The following RIT2 variants were observed in gnomAD, a reference collection of about 807,000 sequenced individuals.
RIT2 encodes the protein Ras like without CAAX 2, also known as GTP-binding protein Rit2.
A neutral mutation model predicts 23.7 loss-of-function variants in RIT2; 24 were observed. The ratio of observed to expected loss-of-function variants is 1.01; its 90% confidence interval spans 0.73 to 1.43. The LOEUF is 1.43. RIT2 is among the 40% of genes most tolerant of loss of function. The pLI, the probability that RIT2 is intolerant of heterozygous loss-of-function variation, is 0.00. For missense variants in RIT2, 236 were observed against 266.9 expected (o/e 0.88, Z 0.81); for synonymous variants, 107 against 91.1 (o/e 1.17, Z -0.99).
At chr18:43,102,622 A>G (rs1454932815) in intron 1 of RIT2, among the ~76,000 whole-genome samples, 1 of 151,134 alleles carries the variant, frequency 6.6e-6, no homozygotes, top group Non-Finnish European at 1.5e-5. Flanking sequence ...GTGCATGCTC[A>G]GTTTTTTTTA....
intron 2 of RIT2, among the ~76,000 whole-genome samples, chr18:42,994,017 T>C (rs1910917492): frequency 6.6e-6 from 1 of 152,188 alleles, no homozygotes; most frequent in Non-Finnish European, 1.5e-5. Flanking sequence ...GTTCAGGATC[T>C]ACACCTTATC....
chr18:42,852,385 A>C (rs1247640690), intron 4 of RIT2, among the ~76,000 whole-genome samples: 1 of 152,180 alleles, frequency 6.6e-6, no homozygotes, highest in Non-Finnish European at 1.5e-5. Flanking sequence ...TAAATGTCCT[A>C]TTGACTTAGG....
At chr18:42,963,860 C>T (rs1007920175) in intron 3 of RIT2, among the ~76,000 whole-genome samples, 1 of 152,166 alleles carries the variant, frequency 6.6e-6, no homozygotes, top group African/African-American at 2.4e-5. Context: ...TGCACCACTG[C>T]ACTCCAGCCT....
intron 4 of RIT2, among the ~76,000 whole-genome samples, chr18:42,768,843 A>C (rs925538981): frequency 6.6e-6 from 1 of 152,228 alleles, no homozygotes; most frequent in Non-Finnish European, 1.5e-5. Context: ...CTTGCCCTGA[A>C]GGCCTTCTCC....
intron 1 of RIT2, among the ~76,000 whole-genome samples, chr18:43,062,047 C>G (rs982193233): frequency 2.6e-5 from 4 of 152,028 alleles, no homozygotes; most frequent in Non-Finnish European, 4.4e-5. Flanking sequence ...CCATGGGATG[C>G]CACTCCCTCC....
chr18:43,034,202 T>C (rs1911923817), intron 1 of RIT2, among the ~76,000 whole-genome samples: 1 of 152,268 alleles, frequency 6.6e-6, no homozygotes, highest in Non-Finnish European at 1.5e-5. Context: ...GGTTGAACAG[T>C]TGGTAATGAT....
intron 2 of RIT2, among the ~76,000 whole-genome samples, chr18:42,979,869 G>A (rs1910556875): frequency 1.3e-5 from 2 of 152,116 alleles, no homozygotes; most frequent in Admixed American, 6.6e-5. Flanking sequence ...CAATTGCACT[G>A]TATTTTAATG....
At chr18:42,943,452 G>A (rs1909653361) in intron 3 of RIT2, among the ~76,000 whole-genome samples, 1 of 152,022 alleles carries the variant, frequency 6.6e-6, no homozygotes, top group Non-Finnish European at 1.5e-5. Context: ...CTCAGTAGGA[G>A]GTACTGCTGA....
chr18:42,786,531 T>C (rs892580402), intron 4 of RIT2, among the ~76,000 whole-genome samples: 1 of 152,190 alleles, frequency 6.6e-6, no homozygotes, highest in African/African-American at 2.4e-5. Flanking sequence ...AATACAAATG[T>C]ATACTTACTT....
chr18:42,985,157 T>C (rs959482995), intron 2 of RIT2, among the ~76,000 whole-genome samples: 7 of 152,096 alleles, frequency 4.6e-5, no homozygotes, highest in African/African-American at 1.7e-4. Context: ...ATTAGATTAT[T>C]TAATGATGCA....
intron 3 of RIT2, among the ~76,000 whole-genome samples, chr18:42,956,526 G>C: frequency 6.6e-6 from 1 of 152,126 alleles, no homozygotes; most frequent in East Asian, 1.9e-4. Context: ...CATTTCGTCG[G>C]TTTGAGAGAC....
At chr18:42,944,628 C>T (rs1011868888) in intron 3 of RIT2, among the ~76,000 whole-genome samples, 1 of 151,966 alleles carries the variant, frequency 6.6e-6, no homozygotes, top group South Asian at 2.1e-4. Flanking sequence ...CAGGTATCGC[C>T]CAATTCTCTC....
intron 4 of RIT2, among the ~76,000 whole-genome samples, chr18:42,852,819 T>C (rs1249785190): frequency 2.6e-5 from 3 of 116,574 alleles, no homozygotes; most frequent in Non-Finnish European, 5.0e-5. Flanking sequence ...CTCCCTTCCT[T>C]CCTTCCTTCC....
intron 4 of RIT2, 86 bp from the exon 5 acceptor site, chr18:42,743,806 A>T: frequency 9.6e-7 from 1 of 1,042,890 alleles, no homozygotes; most frequent in Non-Finnish European, 1.4e-6. Flanking sequence ...GCTGTGTGTC[A>T]GGCCTCTGAG....
Position 42,958,061 on chromosome 18 carries a change from C to G in RIT2, c.234+16013G>C, listed in dbSNP as rs536724841. Among the ~76,000 whole-genome samples the G allele has an allele frequency of 3.2e-4, 48 of 152,242 alleles. No homozygotes were observed. The South Asian group carries it at 9.5e-3, about 30-fold the overall frequency. The stretch of plus-strand genomic sequence containing the variant: ...AGGAGGCTGGTTAAAAGAGTTCCTA[C>G]TGTAACAGCTGATAAGAACAGAGTG... On this transcript the variant is annotated intron_variant, in intron 3 of 4. Transcript: ENST00000326695.
chr18:42,978,446 A>ATG (rs1910523506), intron 2 of RIT2, among the ~76,000 whole-genome samples: 1 of 151,392 alleles, frequency 6.6e-6, no homozygotes, highest in African/African-American at 2.4e-5. Flanking sequence ...CCATTCATTC[A>ATG]CTCCCTTTGA....
chr18:43,015,040 T>C (rs1911440329), intron 2 of RIT2, among the ~76,000 whole-genome samples: 1 of 151,724 alleles, frequency 6.6e-6, no homozygotes, highest in African/African-American at 2.4e-5. Context: ...TTAAAACTGT[T>C]AAGAAAAGCA....
At chr18:42,806,935 A>C (rs1018993478) in intron 4 of RIT2, among the ~76,000 whole-genome samples, 15 of 152,238 alleles carry the variant, frequency 9.9e-5, no homozygotes, top group African/African-American at 3.4e-4. Context: ...GGTTAAAAGA[A>C]TTATTATTCT....
intron 1 of RIT2, among the ~76,000 whole-genome samples, chr18:43,108,338 G>A (rs947310821): frequency 6.7e-6 from 1 of 149,024 alleles, no homozygotes; most frequent in Non-Finnish European, 1.5e-5. Context: ...TGTGCCTTGG[G>A]CCATATTACG....
Sources: gnomAD v4.1 joint callset for allele counts (sites outside exome capture counted in the v4.1 genomes callset) on GRCh38, gnomAD v4.1.1 for gene constraint, MANE v1.5 for transcripts, NCBI Gene and HGNC (gene_info 2026-07-23, HGNC 2026-07-21) for gene names.